Variants in SLC9A5 observed in about 807,000 individuals in gnomAD.
The protein encoded by SLC9A5 is solute carrier family 9 member A5, also known as sodium/hydrogen exchanger 5.
SLC9A5 carries 52 observed loss-of-function variants against 91.7 expected under a neutral mutation model. The observed-to-expected ratio is 0.57, with a 90% CI of 0.45 to 0.71. The LOEUF (loss-of-function observed/expected upper bound fraction) is 0.71, where lower values mean the gene tolerates loss of function less well. SLC9A5 is among the 30% of genes least tolerant of loss of function. The pLI is 0.00. For missense variants in SLC9A5, 871 were observed against 1,158.9 expected, an observed-to-expected ratio of 0.75 and a Z score of 3.61; for synonymous variants, 419 against 474.5, an observed-to-expected ratio of 0.88 and a Z score of 1.52.
At chr16:67,268,658 T>TTACATATA (rs2035799933) in intron 15 of SLC9A5, among the ~76,000 whole-genome samples, 1 of 42,324 alleles carries the variant, frequency 2.4e-5, no homozygotes, top group Admixed American at 3.6e-4. Flanking sequence ...ATTTCCCTGA[T>TTACATATA]TATATATATA....
intron 15 of SLC9A5, among the ~76,000 whole-genome samples, chr16:67,269,014 C>T (rs992762615): frequency 7.3e-5 from 11 of 151,574 alleles, no homozygotes; most frequent in Non-Finnish European, 1.3e-4. Flanking sequence ...TTTTTCTTCA[C>T]GATGTATTTA....
chr16:67,255,828 G>T lies in SLC9A5; in HGVS notation c.809G>T (p.Arg270Leu). 1 of 1,610,072 alleles carries T rather than the reference G, an allele frequency of 6.2e-7. No individual in the cohort carries two copies. Among genetic ancestry groups the T allele is most frequent in the Non-Finnish European group, 8.5e-7 (1 of 1,178,176 alleles). ...VFAFLLALTT[R>L]FTKRVRIIEP... is the part of the protein sequence containing the mutation. ...GCCTTCCTCCTGGCCCTGACCACAC[G>T]CTTCACCAAGCGGGTCCGCATCATC... is the stretch of plus-strand genomic sequence containing the variant. The change falls in exon 5 of 16, where the codon CGC (arginine) becomes CTC (leucine). Residue 270 changes from arginine (R) to leucine (L), a missense_variant. Transcript: ENST00000299798. The surrounding 1 kb of genome is among the most constrained non-coding windows in gnomAD (Gnocchi z 4.9).
In SLC9A5 at chr16:67,249,105, C is replaced by T. The variant is rs976150253; in HGVS notation, c.91C>T (p.Pro31Ser). Residue 31 changes from proline to serine, a missense_variant, in exon 1 of 16, where the codon CCC becomes TCC. This residue lies in a region of SLC9A5 where 122 missense variants were observed against 114.5 expected (regional missense o/e 1.07). Transcript: ENST00000299798. ...TQKPESPGEP[P>S]PGLELFRWQW... The stretch of plus-strand genomic sequence containing the variant: ...GAAGCCAGAGTCCCCGGGCGAGCCT[C>T]CCCCAGGCTTAGAGCTCTTCCGCTG... 3 of 1,545,990 alleles carry T rather than the reference C, an allele frequency of 1.9e-6. No homozygotes were observed.
chr16:67,264,538 G>A lies in SLC9A5; in HGVS notation c.2013+16G>A. 6.2e-7 allele frequency: 1 copy of A among 1,613,688 alleles called. No homozygotes were observed. The highest frequency in any genetic ancestry group is 8.5e-7 in the Non-Finnish European group (1 of 1,179,584). ...CCGCAGGAAGGCATGTCTTCCCTCA[G>A]GGACTCCTCTTGGGAGCTGGAGGCT... is the stretch of plus-strand genomic sequence containing the variant. On this transcript the variant is annotated intron_variant, in intron 13 of 15. Transcript: ENST00000299798.
chr16:67,256,044 G>T lies in SLC9A5; in HGVS notation c.911+114G>T. On this transcript the variant is annotated intron_variant, in intron 5 of 15. Coordinates refer to ENST00000299798, the MANE Select transcript of SLC9A5 (RefSeq NM_004594.3). The surrounding 1 kb of genome is among the most constrained non-coding windows in gnomAD (Gnocchi z 4.1). ...AGTCCATAGGTTTCCCTGAGCCCTT[G>T]TGGTAGTGGGAGCCTCAGACTGTCC... 1 of 1,146,232 alleles carries T rather than the reference G, an allele frequency of 8.7e-7. No homozygotes were observed. The allele number at this position is 1,146,232 out of a possible 1,614,324, so 71.0% of individuals were successfully genotyped here. A position where few individuals can be genotyped will look rare whatever the true frequency, so the allele number is the denominator to read the frequency against.
chr16:67,268,016 T>TC (rs1419007105), intron 15 of SLC9A5, among the ~76,000 whole-genome samples: 1 of 152,048 alleles, frequency 6.6e-6, no homozygotes. Flanking sequence ...ATATAAGGAT[T>TC]CTTTTTTTTT....
chr16:67,271,222 G>C lies in SLC9A5; in HGVS notation c.*12G>C, dbSNP rs756795558. 1.2e-6 allele frequency: 2 copies of C among 1,602,618 alleles called. No homozygotes were observed. The highest frequency in any genetic ancestry group is 2.2e-5 in the South Asian group (2 of 90,284). ...GCAGCCGGCTGTAGCTCAAGGCCTC[G>C]GGGAGGAGCAGGAGGTGGAATCCCT... On this transcript the variant is annotated 3_prime_UTR_variant, in exon 16 of 16. Transcript: ENST00000299798.
chr16:67,268,776 G>A (rs1038245468), intron 15 of SLC9A5, among the ~76,000 whole-genome samples: 1 of 143,002 alleles, frequency 7.0e-6, no homozygotes, highest in Middle Eastern at 3.5e-3. Context: ...GGGGATGGTG[G>A]TGGAGTGATT....
Position 67,264,519 on chromosome 16 carries a change from G to A in SLC9A5, c.2010G>A (p.Arg670=), listed in dbSNP as rs200914576. The A allele has an allele frequency of 1.1e-4, 181 of 1,614,168 alleles. 4 individuals carry two copies. The Admixed American group carries it at 3.0e-3, about 27-fold the overall frequency. ...CACGACCCCGCAAGACTGGCCGCAG[G>A]AAGGCATGTCTTCCCTCAGGGACTC... ...SKPRPRKTGR[R]KKDGVANAEA... Residue 670 remains arginine, a synonymous_variant, in exon 13 of 16, where the codon AGG becomes AGA. Coordinates refer to ENST00000299798, the MANE Select transcript of SLC9A5 (RefSeq NM_004594.3).
At chr16:67,265,987 T>G in intron 14 of SLC9A5, 101 bp from the exon 15 acceptor site, 1 of 1,469,900 alleles carries the variant, frequency 6.8e-7, no homozygotes, top group Non-Finnish European at 9.1e-7. Context: ...TCTGCCAACG[T>G]GTGTTCTGCC....
At position 67,264,354 on chromosome 16, in the gene SLC9A5, C is replaced by G; in HGVS notation, c.1845C>G (p.Tyr615Ter). 6.2e-7 allele frequency: 1 copy of G among 1,613,954 alleles called. No homozygotes were observed. The highest frequency in any genetic ancestry group is 8.5e-7 in the Non-Finnish European group (1 of 1,179,950). The stretch of plus-strand genomic sequence containing the variant: ...CCAGGCGGGGCTGTCATTGCCAGTA[C>G]AAAGCCAGCTGCAGTCGCCACTTCA... ...CGGLYKPRRR[Y>*]KASCSRHFIS... Residue 615 changes from tyrosine (Y) to a stop codon, truncating the protein, a stop_gained and splice_region_variant, in exon 13 of 16, where the codon TAC becomes TAG. Coordinates refer to ENST00000299798, the MANE Select transcript of SLC9A5 (RefSeq NM_004594.3). LOFTEE classifies it high-confidence loss of function.
In SLC9A5 at chr16:67,271,168, C is replaced by A; in HGVS notation, c.2649C>A (p.Thr883=). ...DHTHLSPGTA[T]SHWCIQFNRG... is the part of the protein sequence containing the mutation. ...CCCATCTCAGCCCAGGCACCGCTAC[C>A]TCCCACTGGTGCATCCAGTTCAACA... The change falls in exon 16 of 16, where the codon ACC becomes ACA. Residue 883 remains threonine (T), a synonymous_variant. Transcript: ENST00000299798. 1 of 1,613,020 alleles carries A rather than the reference C, an allele frequency of 6.2e-7. No individual in the cohort carries two copies. Among genetic ancestry groups the A allele is most frequent in the Non-Finnish European group, 8.5e-7 (1 of 1,180,040 alleles).
rs1449978937 is a variant in SLC9A5 at position 67,270,819 on chromosome 16, G to T, written c.2300G>T (p.Gly767Val). 6.2e-7 allele frequency: 1 copy of T among 1,614,074 alleles called. No individual in the cohort carries two copies. Among genetic ancestry groups the T allele is most frequent in the Admixed American group, 1.7e-5 (1 of 60,010 alleles). The part of the protein sequence containing the change: ...CAEKELPWKS[G>V]QGDLAVYVSS... Reference sequence around the variant, plus strand: ...GAAAAGGAGCTCCCCTGGAAGAGTGGGCAGGGGGACCTGGCAGTGTACGTG... The same window carrying T: ...GAAAAGGAGCTCCCCTGGAAGAGTGTGCAGGGGGACCTGGCAGTGTACGTG... The change falls in exon 16 of 16, where the codon GGG becomes GTG. Residue 767 changes from glycine to valine, a missense_variant. Physicochemically the swap from Gly to Val is moderately radical, Grantham distance 109 (BLOSUM62 -3). Coordinates refer to ENST00000299798, the MANE Select transcript of SLC9A5 (RefSeq NM_004594.3). The surrounding 1 kb of genome is among the most constrained non-coding windows in gnomAD (Gnocchi z 4.3).
intron 14 of SLC9A5, among the ~76,000 whole-genome samples, chr16:67,265,862 G>A (rs1017253482): frequency 4.6e-5 from 7 of 152,154 alleles, no homozygotes; most frequent in Admixed American, 6.6e-5. Context: ...GACTTCCTCC[G>A]GGGACTTAGC....
rs939453669 is a variant in SLC9A5 at position 67,251,403 on chromosome 16, C to CTTTTTTTTTT, written c.188-1120_188-1111dup. Among the ~76,000 whole-genome samples the CTTTTTTTTTT allele has an allele frequency of 6.2e-5, 4 of 64,800 alleles. 1 individual carries two copies. The highest frequency in any genetic ancestry group is 1.5e-4 in the African/African-American group (2 of 13,232). The allele number at this position is 64,800 out of a possible 152,430, so 42.5% of individuals were successfully genotyped here. ...TGCTAAGTGCTTTTGAGTAGATTGT[C>CTTTTTTTTTT]TTTTTTTTTTTTTTTTTTTTTTTTT... is the stretch of plus-strand genomic sequence containing the variant. On this transcript the variant is annotated intron_variant, in intron 1 of 15. Transcript: ENST00000299798.
In SLC9A5 at chr16:67,271,084, C is replaced by T; in HGVS notation, c.2565C>T (p.Ser855=). The T allele has an allele frequency of 6.2e-7, 1 of 1,613,614 alleles. No individual in the cohort carries two copies. Among genetic ancestry groups the T allele is most frequent in the Non-Finnish European group, 8.5e-7 (1 of 1,179,760 alleles). Residue 855 remains serine (S), a synonymous_variant, in exon 16 of 16, where the codon AGC becomes AGT. Coordinates refer to ENST00000299798, the MANE Select transcript of SLC9A5 (RefSeq NM_004594.3). Reference sequence around the variant, plus strand: ...AGGCTGGCCGCTCTCGCAGTGAGAGCAGCGCTGACCTCCCCCAGCAGCAGG... The same window carrying T: ...AGGCTGGCCGCTCTCGCAGTGAGAGTAGCGCTGACCTCCCCCAGCAGCAGG... ...LAKAGRSRSE[S]SADLPQQQEL...
chr16:67,252,914 C>G lies in SLC9A5; in HGVS notation c.490+70C>G. On this transcript the variant is annotated intron_variant, in intron 2 of 15. Transcript: ENST00000299798. This position sits in a 1 kb window ranked among gnomAD's most constrained non-coding sequence, Gnocchi z 4.0. ...CTCCCTTCTCCTCAAGCTCTGGAGG[C>G]CCATGCTGGTGTGAGCCATGCCCTG... is the stretch of plus-strand genomic sequence containing the variant. 7.2e-7 allele frequency: 1 copy of G among 1,383,504 alleles called. No individual in the cohort carries two copies. The highest frequency in any genetic ancestry group is 1.3e-5 in the South Asian group (1 of 74,324). 85.7% of individuals were successfully genotyped at this position (1,383,504 alleles called of 1,614,324 possible).
chr16:67,250,596 G>C (rs1480627301), intron 1 of SLC9A5, among the ~76,000 whole-genome samples: 1 of 152,218 alleles, frequency 6.6e-6, no homozygotes, highest in Non-Finnish European at 1.5e-5. Context: ...ATGGAAGTAA[G>C]AGAAGAGAGC....
Position 67,252,887 on chromosome 16 carries a change from C to T in SLC9A5, c.490+43C>T, listed in dbSNP as rs1187108235. The T allele has an allele frequency of 5.9e-6, 9 of 1,533,772 alleles. No individual in the cohort carries two copies. Among genetic ancestry groups the T allele is most frequent in the South Asian group, 2.4e-5 (2 of 83,328 alleles). On this transcript the variant is annotated intron_variant, in intron 2 of 15. Coordinates refer to ENST00000299798, the MANE Select transcript of SLC9A5 (RefSeq NM_004594.3). This position sits in a 1 kb window ranked among gnomAD's most constrained non-coding sequence, Gnocchi z 4.0. ...CTGGGCTTTGCCAGACCCATCACCC[C>T]TCTCCCTTCTCCTCAAGCTCTGGAG...
Sources: allele counts gnomAD v4.1 joint callset (sites outside exome capture counted in the v4.1 genomes callset), GRCh38; gene constraint gnomAD v4.1.1; regional missense constraint gnomAD v4.1.1; non-coding constraint Gnocchi (gnomAD v3.1); transcripts MANE v1.5; gene names NCBI Gene and HGNC (gene_info 2026-07-23, HGNC 2026-07-21).